The following GLTP variants were observed in gnomAD, a reference collection of about 807,000 sequenced individuals.
The protein encoded by GLTP is glycolipid transfer protein.
GLTP carries 22 observed loss-of-function variants against 24.0 expected under a neutral mutation model. The ratio of observed to expected loss-of-function variants is 0.92; its 90% CI spans 0.65 to 1.31. GLTP has a LOEUF of 1.31. Ranked by LOEUF, GLTP falls within the 50% of genes most tolerant of loss-of-function variation. The probability of loss-of-function intolerance (pLI) is 0.00; values close to 1 mark genes in which losing one functional copy is unlikely to be tolerated. For missense variants in GLTP, 224 were observed against 276.6 expected, an observed-to-expected ratio of 0.81 and a Z score of 1.35; for synonymous variants, 92 against 115.9, an observed-to-expected ratio of 0.79 and a Z score of 1.33.
Position 109,852,528 on chromosome 12 carries a change from C to G in GLTP, c.*27G>C, listed in dbSNP as rs369749747. On this transcript the variant is annotated 3_prime_UTR_variant, in exon 5 of 5. Transcript: ENST00000318348. ...CCTGTTTCTCCATGTGGCCACGAGT[C>G]GGGGACGTGTCCAGCAGTGGGCATG... 85 of 1,499,522 alleles carry G rather than the reference C, an allele frequency of 5.7e-5. No individual in the cohort carries two copies. Among genetic ancestry groups the G allele is most frequent in the Non-Finnish European group, 7.3e-5 (79 of 1,084,434 alleles). 92.9% of individuals were successfully genotyped at this position (1,499,522 alleles called of 1,614,324 possible).
At chr12:109,862,078 C>A (rs1456876646) in intron 1 of GLTP, among the ~76,000 whole-genome samples, 1 of 152,212 alleles carries the variant, frequency 6.6e-6, no homozygotes, top group Non-Finnish European at 1.5e-5. Flanking sequence ...GAGCCTCTTT[C>A]CAACGTCTGC....
At position 109,858,669 on chromosome 12, in the gene GLTP, G is replaced by C; in HGVS notation, c.162+14C>G. ...CGCAAGTCTTGGGCTGTGGCTGCCC[G>C]GCCAGGTACATACCGTGATGTTGCC... On this transcript the variant is annotated intron_variant, in intron 2 of 4. Coordinates refer to ENST00000318348, the MANE Select transcript of GLTP (RefSeq NM_016433.4). The C allele has an allele frequency of 6.2e-7, 1 of 1,606,638 alleles. No individual in the cohort carries two copies. The highest frequency in any genetic ancestry group is 8.5e-7 in the Non-Finnish European group (1 of 1,173,298).
At chr12:109,867,297 C>T (rs887743440) in intron 1 of GLTP, among the ~76,000 whole-genome samples, 5 of 152,024 alleles carry the variant, frequency 3.3e-5, no homozygotes, top group East Asian at 1.9e-4. Context: ...TACAGGCGCA[C>T]GCCACCATGC....
chr12:109,875,998 A>G (rs1168711483), intron 1 of GLTP, among the ~76,000 whole-genome samples: 1 of 152,244 alleles, frequency 6.6e-6, no homozygotes, highest in Non-Finnish European at 1.5e-5. Context: ...ATAAGAAGCA[A>G]TGTGAATGTC....
chr12:109,875,168 T>C (rs896888283), intron 1 of GLTP, among the ~76,000 whole-genome samples: 1 of 152,156 alleles, frequency 6.6e-6, no homozygotes, highest in Non-Finnish European at 1.5e-5. Context: ...CGAAAAGTAC[T>C]AGCACCGAGT....
Position 109,857,570 on chromosome 12 carries a change from C to A in GLTP, c.252G>T (p.Glu84Asp). ...LEVEKEMYGAEWPKVGATLAL... is the reference protein window; with the variant it reads ...LEVEKEMYGADWPKVGATLAL... The stretch of plus-strand genomic sequence containing the variant: ...CCAGTGTGGCCCCTACTTTGGGCCA[C>A]TCTGCTCCATACATTTCTTTCTCCA... The change falls in exon 3 of 5, where the codon GAG becomes GAT. Residue 84 changes from glutamate (E) to aspartate (D), a missense_variant. Coordinates refer to ENST00000318348, the MANE Select transcript of GLTP (RefSeq NM_016433.4). This position sits in a 1 kb window ranked among gnomAD's most constrained non-coding sequence, Gnocchi z 4.3. 6.2e-7 allele frequency: 1 copy of A among 1,614,120 alleles called. No individual in the cohort carries two copies. Among genetic ancestry groups the A allele is most frequent in the African/African-American group, 1.3e-5 (1 of 75,060 alleles).
At chr12:109,853,347 C>A (rs576891958) in intron 4 of GLTP, among the ~76,000 whole-genome samples, 5 of 152,116 alleles carry the variant, frequency 3.3e-5, no homozygotes, top group African/African-American at 1.2e-4. Flanking sequence ...ACAGAGAATT[C>A]AAAATTCACA....
intron 1 of GLTP, among the ~76,000 whole-genome samples, chr12:109,860,137 C>G (rs542133040): frequency 2.0e-5 from 3 of 152,306 alleles, no homozygotes; most frequent in African/African-American, 7.2e-5. Flanking sequence ...CGCCACCATG[C>G]CCAGCTAATT....
At chr12:109,866,759 CTTTT>C (rs35739263) in intron 1 of GLTP, among the ~76,000 whole-genome samples, 10 of 129,858 alleles carry the variant, frequency 7.7e-5, no homozygotes, top group South Asian at 2.5e-4. Flanking sequence ...CTTTGTGTAT[CTTTT>C]TTTTTTTTTT....
chr12:109,859,081 G>A (rs1341125223), intron 1 of GLTP, among the ~76,000 whole-genome samples: 2 of 152,166 alleles, frequency 1.3e-5, no homozygotes, highest in East Asian at 3.8e-4. Context: ...TTGAGACAGG[G>A]TCTCGCTCTG....
intron 1 of GLTP, among the ~76,000 whole-genome samples, chr12:109,878,083 A>G (rs903442062): frequency 5.3e-5 from 8 of 152,322 alleles, no homozygotes; most frequent in Middle Eastern, 3.4e-3. Flanking sequence ...CCCACAGCAC[A>G]GGGATTGCAA....
At chr12:109,852,808 G>A (rs1592887244) in intron 4 of GLTP, 71 bp from the exon 5 acceptor site, 1 of 957,430 alleles carries the variant, frequency 1.0e-6, no homozygotes, top group East Asian at 2.4e-5. Flanking sequence ...GCAGGCCAGG[G>A]TTCTGGGAGG....
intron 1 of GLTP, among the ~76,000 whole-genome samples, chr12:109,864,449 C>T (rs956373895): frequency 6.6e-6 from 1 of 152,150 alleles, no homozygotes; most frequent in African/African-American, 2.4e-5. Flanking sequence ...CTTAACCACT[C>T]CAGGTTCAGG....
rs1447389166 is a variant in GLTP, at chr12:109,851,602, T to G, written c.*953A>C. 2 of 151,976 alleles carry G rather than the reference T, an allele frequency of 1.3e-5. No individual in the cohort carries two copies. Among genetic ancestry groups the G allele is most frequent in the Non-Finnish European group, 2.9e-5 (2 of 67,970 alleles). 9.4% of individuals were successfully genotyped at this position (151,976 alleles called of 1,614,324 possible). On this transcript the variant is annotated 3_prime_UTR_variant, in exon 5 of 5. Transcript: ENST00000318348. ...CCTCATAAGGTCACGTGCTTTTTTT[T>G]CTTTTTTTTCTTTTTTGAGACAGAG...
At position 109,855,257 on chromosome 12, in the gene GLTP, G is replaced by C. The variant is rs558062827; in HGVS notation, c.447+362C>G. Among the ~76,000 whole-genome samples the C allele has an allele frequency of 6.6e-6, 1 of 152,190 alleles. No homozygotes were observed. The highest frequency in any genetic ancestry group is 6.5e-5 in the Admixed American group (1 of 15,286). On this transcript the variant is annotated intron_variant, in intron 4 of 4. Transcript: ENST00000318348. This position sits in a 1 kb window ranked among gnomAD's most constrained non-coding sequence, Gnocchi z 4.1. The stretch of plus-strand genomic sequence containing the variant: ...GAATGGGAGCTGAATTTGAGGGGTC[G>C]AATTGGAGGGGTAAATTTGAGGGGC...
intron 1 of GLTP, among the ~76,000 whole-genome samples, chr12:109,861,377 G>A (rs1298238637): frequency 8.5e-5 from 13 of 152,168 alleles, no homozygotes; most frequent in African/African-American, 2.9e-4. Context: ...TCTCCTCGCC[G>A]CTGTGTGCCT....
intron 1 of GLTP, among the ~76,000 whole-genome samples, chr12:109,863,696 A>G (rs1045571461): frequency 6.6e-6 from 1 of 152,182 alleles, no homozygotes; most frequent in African/African-American, 2.4e-5. Context: ...ATATCCTTCT[A>G]GGATGTTCTT....
rs748109225 is a variant in GLTP at position 109,880,310 on chromosome 12, G to T, written c.65C>A (p.Pro22His). ...LPADKQIETG[P>H]FLEAVSHLPP... The stretch of plus-strand genomic sequence containing the variant: ...CAGGTGGGACACCGCCTCGAGGAAG[G>T]GCCCGGTCTCGATCTGCTTGTCCGC... The change falls in exon 1 of 5, where the codon CCC becomes CAC. Residue 22 changes from proline to histidine, a missense_variant. Coordinates refer to ENST00000318348, the MANE Select transcript of GLTP (RefSeq NM_016433.4). This position sits in a 1 kb window ranked among gnomAD's most constrained non-coding sequence, Gnocchi z 5.1. The T allele has an allele frequency of 6.2e-7, 1 of 1,606,672 alleles. No individual in the cohort carries two copies.
In GLTP at chr12:109,857,150, T is replaced by G. The variant is rs1055756212; in HGVS notation, c.296+376A>C. On this transcript the variant is annotated intron_variant, in intron 3 of 4. Coordinates refer to ENST00000318348, the MANE Select transcript of GLTP (RefSeq NM_016433.4). The surrounding 1 kb of genome is among the most constrained non-coding windows in gnomAD (Gnocchi z 4.3). ...CCCTAAACAGGACACCTTTGTGCAG[T>G]ACGCAACCTGCATAACTGTGCTGGA... 1.3e-5 allele frequency among the ~76,000 whole-genome samples: 2 copies of G among 152,204 alleles called. No individual in the cohort carries two copies. The highest frequency in any genetic ancestry group is 2.9e-5 in the Non-Finnish European group (2 of 68,032).
Sources: gnomAD v4.1 joint callset for allele counts (sites outside exome capture counted in the v4.1 genomes callset) on GRCh38, gnomAD v4.1.1 for gene constraint, Gnocchi (gnomAD v3.1) non-coding constraint, MANE v1.5 for transcripts, NCBI Gene and HGNC (gene_info 2026-07-23, HGNC 2026-07-21) for gene names.